Variants in HSPBAP1 observed in about 807,000 individuals in gnomAD.
HSPBAP1 encodes HSPB1-associated protein 1.
HSPBAP1 carries 27 observed loss-of-function variants against 45.2 expected under a neutral mutation model. That is an observed-to-expected ratio of 0.60 (90% confidence interval 0.44 to 0.82). The LOEUF is 0.82. HSPBAP1 is among the 40% of genes least tolerant of loss of function. HSPBAP1 has a pLI of 0.00. For synonymous variants in HSPBAP1, 204 were observed against 202.7 expected (o/e 1.01, Z -0.06); for missense variants, 510 against 590.9 (o/e 0.86, Z 1.42).
intron 2 of HSPBAP1, among the ~76,000 whole-genome samples, chr3:122,770,841 G>A (rs1934970485): frequency 6.6e-6 from 1 of 152,212 alleles, no homozygotes; most frequent in African/African-American, 2.4e-5. Flanking sequence ...TGGGAAATAG[G>A]AGTCATTTCT....
intron 5 of HSPBAP1, chr3:122,753,832 G>A: frequency 7.1e-6 from 7 of 984,672 alleles, no homozygotes; most frequent in Non-Finnish European, 8.4e-6. Flanking sequence ...GGTTTGAGTG[G>A]ATTAAAGAAT....
chr3:122,755,977 T>C (rs2107509438), intron 4 of HSPBAP1, among the ~76,000 whole-genome samples: 1 of 152,244 alleles, frequency 6.6e-6, no homozygotes, highest in Middle Eastern at 3.4e-3. Flanking sequence ...TAAAGCAGTA[T>C]AATATAGGAA....
At chr3:122,758,234 G>T (rs1934428626) in intron 4 of HSPBAP1, among the ~76,000 whole-genome samples, 1 of 152,166 alleles carries the variant, frequency 6.6e-6, no homozygotes, top group Non-Finnish European at 1.5e-5. Context: ...TTAATTAGGG[G>T]AAAATAAGGC....
intron 6 of HSPBAP1, among the ~76,000 whole-genome samples, chr3:122,750,351 A>G (rs1934084960): frequency 6.6e-6 from 1 of 152,204 alleles, no homozygotes; most frequent in Non-Finnish European, 1.5e-5. Flanking sequence ...AAAAAATTCT[A>G]TCATGTTAAA....
At position 122,755,316 on chromosome 3, in the gene HSPBAP1, G is replaced by T. The variant is rs751933631; in HGVS notation, c.685C>A (p.Arg229Ser). ...KINVVNPDLKRFPQFRKAQRH... is the reference protein window; with the variant it reads ...KINVVNPDLKSFPQFRKAQRH... Reference sequence around the variant, plus strand: ...TGAGCTTTCCGGAACTGAGGAAAACGCTTTAAATCAGGATTGACAACATTG... The same window carrying T: ...TGAGCTTTCCGGAACTGAGGAAAACTCTTTAAATCAGGATTGACAACATTG... The change falls in exon 5 of 8, where the codon CGT (arginine) becomes AGT (serine). Residue 229 changes from arginine (R) to serine (S), a missense_variant. Physicochemically the swap from Arg to Ser is moderately radical, Grantham distance 110. Transcript: ENST00000306103. The T allele has an allele frequency of 6.2e-7, 1 of 1,603,884 alleles. No homozygotes were observed. Among genetic ancestry groups the T allele is most frequent in the South Asian group, 1.1e-5 (1 of 89,648 alleles).
In HSPBAP1 at chr3:122,768,835, C is replaced by G; in HGVS notation, c.298G>C (p.Glu100Gln). The change falls in exon 3 of 8, where the codon GAG becomes CAG. Residue 100 changes from glutamate to glutamine, a missense_variant. Transcript: ENST00000306103. ...TGGTCACAGTTCCAGGTCAGAAACT[C>G]TTCGAGTGTAGCTTCTACGTAATTA... ...TCNYVEATLE[E>Q]FLTWNCDQSS... is the part of the protein sequence containing the mutation. The G allele has an allele frequency of 6.2e-7, 1 of 1,612,966 alleles. No individual in the cohort carries two copies. Among genetic ancestry groups the G allele is most frequent in the Non-Finnish European group, 8.5e-7 (1 of 1,178,988 alleles).
At chr3:122,745,455 A>G (rs892030039) in intron 6 of HSPBAP1, among the ~76,000 whole-genome samples, 1 of 152,216 alleles carries the variant, frequency 6.6e-6, no homozygotes, top group African/African-American at 2.4e-5. Flanking sequence ...AGTTTCAGTT[A>G]CCCGTGGGCA....
At chr3:122,765,789 T>A (rs1021152911) in intron 3 of HSPBAP1, among the ~76,000 whole-genome samples, 5 of 152,192 alleles carry the variant, frequency 3.3e-5, no homozygotes, top group African/African-American at 4.8e-5. Flanking sequence ...TGAATAACAT[T>A]ACATAAGATC....
chr3:122,758,103 T>C (rs1934424357), intron 4 of HSPBAP1, among the ~76,000 whole-genome samples: 1 of 151,516 alleles, frequency 6.6e-6, no homozygotes, highest in South Asian at 2.1e-4. Context: ...TTCTCCTGAA[T>C]CTGCTCATAA....
chr3:122,789,929 C>T (rs1232802590), intron 1 of HSPBAP1, among the ~76,000 whole-genome samples: 1 of 148,710 alleles, frequency 6.7e-6, no homozygotes, highest in African/African-American at 2.5e-5. Context: ...ATAGCACGAT[C>T]TCAACTCACT....
intron 6 of HSPBAP1, 26 bp downstream of exon 6, chr3:122,752,560 TAAAAA>T: frequency 1.4e-5 from 15 of 1,075,066 alleles, no homozygotes; most frequent in African/African-American, 3.4e-5. Flanking sequence ...TGCACTTACT[TAAAAA>T]AAAAAAAAAA....
chr3:122,759,457 T>C, intron 3 of HSPBAP1, 97 bp from the exon 4 acceptor site: 2 of 1,273,726 alleles, frequency 1.6e-6, no homozygotes, highest in Non-Finnish European at 2.2e-6. Context: ...ATTTAGCAGT[T>C]GGAATATTCT....
At chr3:122,750,515 A>ATATCTATCTATCTATC (rs9289203) in intron 6 of HSPBAP1, among the ~76,000 whole-genome samples, 3,849 of 149,118 alleles carry the variant, frequency 0.026, 63 homozygotes, top group African/African-American at 0.027. Context: ...AAATACATCA[A>ATATCTATCTATCTATC]TATCTATCTA....
At chr3:122,748,702 T>C (rs1001522573) in intron 6 of HSPBAP1, among the ~76,000 whole-genome samples, 2 of 152,200 alleles carry the variant, frequency 1.3e-5, no homozygotes, top group African/African-American at 4.8e-5. Context: ...AAATTAAAGA[T>C]ACATTTACCC....
At chr3:122,758,167 C>A (rs1038065385) in intron 4 of HSPBAP1, among the ~76,000 whole-genome samples, 5 of 152,200 alleles carry the variant, frequency 3.3e-5, no homozygotes, top group Non-Finnish European at 7.3e-5. Context: ...TTCTGTTTTA[C>A]TCTCTGTGCT....
Position 122,793,790 on chromosome 3 carries a change from C to T in HSPBAP1, c.-110G>A, listed in dbSNP as rs1560181174. 3 of 909,392 alleles carry T rather than the reference C, an allele frequency of 3.3e-6. No homozygotes were observed. The highest frequency in any genetic ancestry group is 2.7e-5 in the East Asian group (1 of 37,078). The allele number at this position is 909,392 out of a possible 1,614,324, so 56.3% of individuals were successfully genotyped here. A position where few individuals can be genotyped will look rare whatever the true frequency, so the allele number is the denominator to read the frequency against. ...GAAGCTGCACCACAGGAAGGAGCCC[C>T]GGCGACTCCCGCCCGGCTCCTACGG... is the stretch of plus-strand genomic sequence containing the variant. On this transcript the variant is annotated 5_prime_UTR_variant, in exon 1 of 8. Transcript: ENST00000306103.
In HSPBAP1 at chr3:122,759,260, G is replaced by A. The variant is rs745335301; in HGVS notation, c.533C>T (p.Ser178Phe). The change falls in exon 4 of 8, where the codon TCC becomes TTC. Residue 178 changes from serine to phenylalanine, a missense_variant. Coordinates refer to ENST00000306103, the MANE Select transcript of HSPBAP1 (RefSeq NM_024610.6). Reference sequence around the variant, plus strand: ...CTGGAATACCAAGTTACAACCATAGGAGTCCAGATGACAGGGTGTGTGGGC... The same window carrying A: ...CTGGAATACCAAGTTACAACCATAGAAGTCCAGATGACAGGGTGTGTGGGC... The part of the protein sequence containing the change: ...LGAHTPCHLD[S>F]YGCNLVFQVQ... 13 of 1,612,952 alleles carry A rather than the reference G, an allele frequency of 8.1e-6. No homozygotes were observed. Among genetic ancestry groups the A allele is most frequent in the Non-Finnish European group, 1.1e-5 (13 of 1,179,622 alleles).
rs1429971 is a variant in HSPBAP1 at position 122,760,779 on chromosome 3, G to A, written c.433-1419C>T. Among the ~76,000 whole-genome samples, 972 of 152,262 alleles carry A rather than the reference G, an allele frequency of 6.4e-3. 10 individuals are homozygous for A. The highest frequency in any genetic ancestry group is 0.022 in the African/African-American group (894 of 41,530). On this transcript the variant is annotated intron_variant, in intron 3 of 7. Coordinates refer to ENST00000306103, the MANE Select transcript of HSPBAP1 (RefSeq NM_024610.6). ...AATGCCTAATTTAGTACCTGGCTCA[G>A]GGTTACAGCTTGGAACACACTGGCT...
chr3:122,765,458 G>A (rs541886594), intron 3 of HSPBAP1, among the ~76,000 whole-genome samples: 7 of 152,014 alleles, frequency 4.6e-5, no homozygotes, highest in African/African-American at 1.7e-4. Context: ...GTGCACGCCT[G>A]TAATCCCAGC....
Sources: gnomAD v4.1 joint callset for allele counts (sites outside exome capture counted in the v4.1 genomes callset) on GRCh38, gnomAD v4.1.1 for gene constraint, MANE v1.5 for transcripts, NCBI Gene and HGNC (gene_info 2026-07-23, HGNC 2026-07-21) for gene names.